KDM3B: variants seen among roughly 807,000 people sequenced by gnomAD.
KDM3B encodes the protein lysine-specific demethylase 3B.
In KDM3B, 10 loss-of-function variants were observed where a neutral mutation model predicts 170.0. The observed-to-expected ratio is 0.06, with a 90% CI of 0.04 to 0.10. The LOEUF (loss-of-function observed/expected upper bound fraction) is 0.10, where lower values mean the gene tolerates loss of function less well. Among genes scored for constraint, KDM3B ranks in the 10% least tolerant of loss-of-function variants. The probability of loss-of-function intolerance (pLI) is 1.00; values close to 1 mark genes in which losing one functional copy is unlikely to be tolerated. For missense variants in KDM3B, 1,394 were observed against 2,195.2 expected, an observed-to-expected ratio of 0.64 and a Z score of 7.29; for synonymous variants, 831 against 834.8, an observed-to-expected ratio of 1.00 and a Z score of 0.08.
chr5:138,391,665 ACTC>A lies in KDM3B; in HGVS notation c.2037_2039del (p.Ser680del). The A allele has an allele frequency of 6.2e-7, 1 of 1,613,216 alleles. No individual in the cohort carries two copies. The highest frequency in any genetic ancestry group is 8.5e-7 in the Non-Finnish European group (1 of 1,179,870). ...GTGGCACCCAGCTGGCCCGAGTCTCACTCCTCTGCAGATTCGGCATCTTTAGCA... is the reference window on the plus strand; with the variant it reads ...GTGGCACCCAGCTGGCCCGAGTCTCACTCTGCAGATTCGGCATCTTTAGCA... On this transcript the variant is annotated inframe_deletion, in exon 8 of 24. Transcript: ENST00000314358. This position sits in a 1 kb window ranked among gnomAD's most constrained non-coding sequence, Gnocchi z 5.0.
At position 138,390,655 on chromosome 5, in the gene KDM3B, G is replaced by C. The variant is rs531294936; in HGVS notation, c.1381-358G>C. On this transcript the variant is annotated intron_variant, in intron 7 of 23. Transcript: ENST00000314358. ...ACTGTAAAAGCTGATGTCTATTCAGGAACCCTTTTCTCCAGTTCCTTAGAG... is the reference window on the plus strand; with the variant it reads ...ACTGTAAAAGCTGATGTCTATTCAGCAACCCTTTTCTCCAGTTCCTTAGAG... 1.4e-3 allele frequency among the ~76,000 whole-genome samples: 209 copies of C among 152,200 alleles called. 1 individual carries two copies. Among genetic ancestry groups the C allele is most frequent in the African/African-American group, 4.7e-3 (197 of 41,548 alleles).
At chr5:138,409,145 G>A (rs1281372171) in intron 11 of KDM3B, among the ~76,000 whole-genome samples, 1 of 152,134 alleles carries the variant, frequency 6.6e-6, no homozygotes, top group Non-Finnish European at 1.5e-5. Flanking sequence ...GTCAGCTTTT[G>A]TAACTTCTAT....
intron 10 of KDM3B, among the ~76,000 whole-genome samples, chr5:138,398,704 C>G (rs1487756411): frequency 6.6e-6 from 1 of 151,992 alleles, no homozygotes; most frequent in African/African-American, 2.4e-5. Flanking sequence ...TTTCAGTTTG[C>G]TTTGAACCAA....
chr5:138,386,331 G>A lies in KDM3B; in HGVS notation c.1090G>A (p.Gly364Ser), dbSNP rs1158485860. The change falls in exon 7 of 24, where the codon GGC becomes AGC. Residue 364 changes from glycine (G) to serine (S), a missense_variant. Around this residue, in one of 19 missense-constraint regions of KDM3B, gnomAD observed 205 missense variants for 227.6 expected, o/e 0.90. Coordinates refer to ENST00000314358, the MANE Select transcript of KDM3B (RefSeq NM_016604.4). ...CTTTGCCACTTACACCAAAGAAAAC[G>A]GCAGGACTCTGGTGGTGCAGGATGA... Reference protein sequence around the residue: ...IRFATYTKENGRTLVVQDEPV... With the variant: ...IRFATYTKENSRTLVVQDEPV... 5 of 1,614,206 alleles carry A rather than the reference G, an allele frequency of 3.1e-6. No individual in the cohort carries two copies. The highest frequency in any genetic ancestry group is 4.2e-6 in the Non-Finnish European group (5 of 1,180,036).
Position 138,352,702 on chromosome 5 carries a change from G to T in KDM3B, c.-94G>T, listed in dbSNP as rs1761356452. 3.0e-6 allele frequency: 3 copies of T among 999,002 alleles called. No individual in the cohort carries two copies. In the Admixed American group the frequency reaches 1.4e-4, roughly 48 times the overall value. The allele number at this position is 999,002 out of a possible 1,614,324, so 61.9% of individuals were successfully genotyped here. On this transcript the variant is annotated 5_prime_UTR_variant, in exon 1 of 24. Coordinates refer to ENST00000314358, the MANE Select transcript of KDM3B (RefSeq NM_016604.4). ...GTGGGGGGGAACGGCGGCCGCGGGT[G>T]GTGCGGAGGGAGGCCTTGCGGGCGG...
intron 11 of KDM3B, among the ~76,000 whole-genome samples, chr5:138,402,083 C>T (rs1026093291): frequency 1.3e-5 from 2 of 152,014 alleles, no homozygotes; most frequent in Non-Finnish European, 2.9e-5. Context: ...CATGTGCTAC[C>T]GTGCCCAGCT....
intron 11 of KDM3B, among the ~76,000 whole-genome samples, chr5:138,407,894 T>A (rs958650074): frequency 5.3e-5 from 8 of 152,172 alleles, no homozygotes; most frequent in African/African-American, 1.4e-4. Context: ...GATACAGGTG[T>A]TAAGAAGAAA....
At chr5:138,353,356 C>G (rs964200045) in intron 1 of KDM3B, among the ~76,000 whole-genome samples, 1 of 152,238 alleles carries the variant, frequency 6.6e-6, no homozygotes, top group Non-Finnish European at 1.5e-5. Context: ...GCTGCCCTCT[C>G]GAAGACGCGG....
intron 20 of KDM3B, among the ~76,000 whole-genome samples, chr5:138,429,251 C>T (rs1290032548): frequency 6.6e-6 from 1 of 151,964 alleles, no homozygotes; most frequent in African/African-American, 2.4e-5. Context: ...GGGGTGTCAC[C>T]ATGTTGGCCA....
intron 11 of KDM3B, among the ~76,000 whole-genome samples, chr5:138,404,753 TCTGA>T (rs1165014845): frequency 3.3e-5 from 5 of 152,028 alleles, no homozygotes; most frequent in East Asian, 1.9e-4. Context: ...TGAGATGGAG[TCTGA>T]CTGTCTCCCA....
chr5:138,360,156 G>C (rs1287770971), intron 1 of KDM3B, among the ~76,000 whole-genome samples: 1 of 152,098 alleles, frequency 6.6e-6, no homozygotes, highest in Non-Finnish European at 1.5e-5. Context: ...CGCTACCTAT[G>C]GTCAAACATA....
rs753168608 is a variant in KDM3B at position 138,430,237 on chromosome 5, T to C, written c.4894-12T>C. Reference sequence around the variant, plus strand: ...TTAATTTTCCCATCTTTGGATTTGATTATGGCTTCAGGTTGGAGAAGAACA... The same window carrying C: ...TTAATTTTCCCATCTTTGGATTTGACTATGGCTTCAGGTTGGAGAAGAACA... On this transcript the variant is annotated splice_polypyrimidine_tract_variant and intron_variant, in intron 21 of 23. Coordinates refer to ENST00000314358, the MANE Select transcript of KDM3B (RefSeq NM_016604.4). The C allele has an allele frequency of 1.2e-6, 2 of 1,610,686 alleles. No individual in the cohort carries two copies. The highest frequency in any genetic ancestry group is 2.2e-5 in the South Asian group (2 of 90,978).
chr5:138,387,977 A>G (rs529238386), intron 7 of KDM3B, among the ~76,000 whole-genome samples: 7 of 152,110 alleles, frequency 4.6e-5, no homozygotes, highest in South Asian at 2.1e-4. Context: ...GCTACTCGGG[A>G]GGCTGAGGCA....
Position 138,391,668 on chromosome 5 carries a change from C to T in KDM3B, c.2036C>T (p.Ser679Phe), listed in dbSNP as rs755880710. 6.2e-7 allele frequency: 1 copy of T among 1,614,002 alleles called. No homozygotes were observed. The highest frequency in any genetic ancestry group is 1.3e-5 in the African/African-American group (1 of 74,918). The change falls in exon 8 of 24, where the codon TCC (serine) becomes TTC (phenylalanine). Residue 679 changes from serine (S) to phenylalanine (F), a missense_variant. Ser to Phe is a radical substitution (Grantham distance 155). Coordinates refer to ENST00000314358, the MANE Select transcript of KDM3B (RefSeq NM_016604.4). This position sits in a 1 kb window ranked among gnomAD's most constrained non-coding sequence, Gnocchi z 5.0. ...GCACCCAGCTGGCCCGAGTCTCACT[C>T]CTCTGCAGATTCGGCATCTTTAGCA... ...KVAPSWPESH[S>F]SADSASLAKK...
At position 138,377,756 on chromosome 5, in the gene KDM3B, C is replaced by T. The variant is rs1762034408; in HGVS notation, c.511C>T (p.His171Tyr). ...TDSQNQILLEHAALRETVNAL... is the reference protein window; with the variant it reads ...TDSQNQILLEYAALRETVNAL... Reference sequence around the variant, plus strand: ...TAGCCAAAACCAGATTCTTTTGGAACATGCTGCACTGAGAGAAACAGTTAA... The same window carrying T: ...TAGCCAAAACCAGATTCTTTTGGAATATGCTGCACTGAGAGAAACAGTTAA... The change falls in exon 4 of 24, where the codon CAT becomes TAT. Residue 171 changes from histidine (H) to tyrosine (Y), a missense_variant. Physicochemically the swap from His to Tyr is moderately conservative, Grantham distance 83 (BLOSUM62 2). This residue lies in a region of KDM3B where 166 missense variants were observed against 216.4 expected (regional missense o/e 0.77). Coordinates refer to ENST00000314358, the MANE Select transcript of KDM3B (RefSeq NM_016604.4). 1 of 1,613,872 alleles carries T rather than the reference C, an allele frequency of 6.2e-7. No individual in the cohort carries two copies. The highest frequency in any genetic ancestry group is 8.5e-7 in the Non-Finnish European group (1 of 1,179,876).
chr5:138,375,689 T>C (rs1486336042), intron 3 of KDM3B, among the ~76,000 whole-genome samples: 3 of 152,018 alleles, frequency 2.0e-5, no homozygotes, highest in African/African-American at 7.3e-5. Context: ...ATTTTATTTT[T>C]TTGAGACAGA....
rs1762448552 is a variant in KDM3B, at chr5:138,392,084, C to G, written c.2452C>G (p.Leu818Val). The part of the protein sequence containing the change: ...QDSDSSTNSD[L>V]SDLSDSEEQL... Reference sequence around the variant, plus strand: ...CTCGGACTCCAGCACCAACAGTGACCTGTCAGATTTGAGTGACTCTGAGGA... The same window carrying G: ...CTCGGACTCCAGCACCAACAGTGACGTGTCAGATTTGAGTGACTCTGAGGA... The change falls in exon 8 of 24, where the codon CTG (leucine) becomes GTG (valine). Residue 818 changes from leucine to valine, a missense_variant. Leu to Val is a conservative substitution (Grantham distance 32, BLOSUM62 1). Transcript: ENST00000314358. 2 of 1,612,356 alleles carry G rather than the reference C, an allele frequency of 1.2e-6. No individual in the cohort carries two copies. The highest frequency in any genetic ancestry group is 8.5e-7 in the Non-Finnish European group (1 of 1,178,534).
Position 138,391,575 on chromosome 5 carries a change from C to A in KDM3B, c.1943C>A (p.Pro648His). 6.2e-7 allele frequency: 1 copy of A among 1,614,164 alleles called. No homozygotes were observed. Among genetic ancestry groups the A allele is most frequent in the Non-Finnish European group, 8.5e-7 (1 of 1,180,040 alleles). Residue 648 changes from proline (P) to histidine (H), a missense_variant, in exon 8 of 24, where the codon CCT becomes CAT. Around this residue, in one of 19 missense-constraint regions of KDM3B, gnomAD observed 294 missense variants for 311.7 expected, o/e 0.94. Coordinates refer to ENST00000314358, the MANE Select transcript of KDM3B (RefSeq NM_016604.4). This position sits in a 1 kb window ranked among gnomAD's most constrained non-coding sequence, Gnocchi z 5.0. Reference sequence around the variant, plus strand: ...TTTGTGGAGAAAGTTGAACACAGCCCTTTCAGTAGTTTTGCATCTCAGGCA... The same window carrying A: ...TTTGTGGAGAAAGTTGAACACAGCCATTTCAGTAGTTTTGCATCTCAGGCA... ...LAFVEKVEHS[P>H]FSSFASQASG...
intron 20 of KDM3B, 151 bp downstream of exon 20, chr5:138,428,237 C>A: frequency 1.2e-6 from 1 of 823,576 alleles, no homozygotes; most frequent in Non-Finnish European, 1.9e-6. Context: ...GAGGCAGAGT[C>A]TCGCTCTGTC....
Sources: gnomAD v4.1 joint callset for allele counts (sites outside exome capture counted in the v4.1 genomes callset) on GRCh38, gnomAD v4.1.1 for gene constraint, gnomAD v4.1.1 regional missense constraint, Gnocchi (gnomAD v3.1) non-coding constraint, MANE v1.5 for transcripts, NCBI Gene and HGNC (gene_info 2026-07-23, HGNC 2026-07-21) for gene names.